Variants in SLC25A37 observed in about 807,000 individuals in gnomAD.
SLC25A37 encodes the protein solute carrier family 25 member 37, also known as mitoferrin-1.
Under a neutral mutation model 31.0 loss-of-function variants are expected in SLC25A37, and 17 were observed. The ratio of observed to expected loss-of-function variants is 0.55; its 90% CI spans 0.38 to 0.82. SLC25A37 has a LOEUF of 0.82. Among genes scored for constraint, SLC25A37 ranks in the 40% least tolerant of loss-of-function variants. The pLI, the probability that SLC25A37 is intolerant of heterozygous loss-of-function variation, is 0.00. For missense variants in SLC25A37, 404 were observed against 465.8 expected, an observed-to-expected ratio of 0.87 and a Z score of 1.22; for synonymous variants, 222 against 193.0, an observed-to-expected ratio of 1.15 and a Z score of -1.24.
intron 1 of SLC25A37, among the ~76,000 whole-genome samples, chr8:23,562,766 G>C (rs1465369276): frequency 2.0e-5 from 3 of 152,268 alleles, no homozygotes; most frequent in South Asian, 4.1e-4. Flanking sequence ...CTCAAACTTA[G>C]AAAGTTTAAT....
At position 23,572,517 on chromosome 8, in the gene SLC25A37, C is replaced by A. The variant is rs1802890716; in HGVS notation, c.*662C>A. On this transcript the variant is annotated 3_prime_UTR_variant, in exon 4 of 4. Coordinates refer to ENST00000519973, the MANE Select transcript of SLC25A37 (RefSeq NM_016612.4). ...TTAGCCCCTCCAGATGGAAGTTTCA[C>A]TTGAATGTAAAATAATAAAGTTTAT... The A allele has an allele frequency of 6.6e-6, 1 of 152,424 alleles. No homozygotes were observed. The highest frequency in any genetic ancestry group is 2.1e-4 in the South Asian group (1 of 4,828). The allele number at this position is 152,424 out of a possible 1,614,324, so 9.4% of individuals were successfully genotyped here.
rs375263954 is a variant in SLC25A37 at position 23,571,570 on chromosome 8, C to T, written c.732C>T (p.Ala244=). 6.2e-6 allele frequency: 10 copies of T among 1,613,460 alleles called. No individual in the cohort carries two copies. The African/African-American group carries it at 8.0e-5, about 13-fold the overall frequency. ...PQSHIISGGL[A]GALAAAATTP... Reference sequence around the variant, plus strand: ...CCCACATCATCTCAGGCGGGCTGGCCGGGGCCCTCGCCGCGGCCGCCACGA... The same window carrying T: ...CCCACATCATCTCAGGCGGGCTGGCTGGGGCCCTCGCCGCGGCCGCCACGA... Residue 244 remains alanine, a synonymous_variant, in exon 4 of 4, where the codon GCC becomes GCT. Transcript: ENST00000519973.
At chr8:23,551,334 C>A (rs1802218932) in intron 1 of SLC25A37, among the ~76,000 whole-genome samples, 1 of 152,126 alleles carries the variant, frequency 6.6e-6, no homozygotes. Flanking sequence ...GGGTCAGAGT[C>A]CCTTAGGGGG....
intron 3 of SLC25A37, among the ~76,000 whole-genome samples, chr8:23,569,402 TAC>T (rs10608830): frequency 0.027 from 4,086 of 150,230 alleles, 130 homozygotes; most frequent in African/African-American, 0.077. Context: ...TATGTGTGCA[TAC>T]ACACACACAC....
chr8:23,550,743 T>C (rs997324972), intron 1 of SLC25A37, among the ~76,000 whole-genome samples: 8 of 152,184 alleles, frequency 5.3e-5, no homozygotes, highest in African/African-American at 1.9e-4. Context: ...AGGTGTACAG[T>C]TTGGGGAGCA....
In SLC25A37 at chr8:23,573,798, G is replaced by T. The variant is rs1252326984; in HGVS notation, c.*1943G>T. 1 of 456,704 alleles carries T rather than the reference G, an allele frequency of 2.2e-6. No individual in the cohort carries two copies. The highest frequency in any genetic ancestry group is 2.3e-5 in the Admixed American group (1 of 42,578). The allele number at this position is 456,704 out of a possible 1,614,324, so 28.3% of individuals were successfully genotyped here. A position where few individuals can be genotyped will look rare whatever the true frequency, so the allele number is the denominator to read the frequency against. Reference sequence around the variant, plus strand: ...CTTGGCTGCTGCCCTGTCCCATCTGGCAGTTAACGCCTTCTCCCTGCTCTG... The same window carrying T: ...CTTGGCTGCTGCCCTGTCCCATCTGTCAGTTAACGCCTTCTCCCTGCTCTG... On this transcript the variant is annotated 3_prime_UTR_variant, in exon 4 of 4. Coordinates refer to ENST00000519973, the MANE Select transcript of SLC25A37 (RefSeq NM_016612.4).
In SLC25A37 at chr8:23,572,148, C is replaced by T. The variant is rs1441845709; in HGVS notation, c.*293C>T. Reference sequence around the variant, plus strand: ...TTCTGCTTCACTGTGGCAGCCTCCTCCCTGGATCCTTAGATCCCAGAGGAG... The same window carrying T: ...TTCTGCTTCACTGTGGCAGCCTCCTTCCTGGATCCTTAGATCCCAGAGGAG... On this transcript the variant is annotated 3_prime_UTR_variant, in exon 4 of 4. Transcript: ENST00000519973. The T allele has an allele frequency of 2.1e-5, 5 of 239,594 alleles. No individual in the cohort carries two copies. The East Asian group carries it at 3.2e-4, about 15-fold the overall frequency. 14.8% of individuals were successfully genotyped at this position (239,594 alleles called of 1,614,324 possible). A position where few individuals can be genotyped will look rare whatever the true frequency, so the allele number is the denominator to read the frequency against.
chr8:23,548,573 C>A (rs1031048970), intron 1 of SLC25A37, among the ~76,000 whole-genome samples: 3 of 150,304 alleles, frequency 2.0e-5, no homozygotes, highest in African/African-American at 7.4e-5. Context: ...TGGGTTCAAG[C>A]GATGCTACTG....
intron 1 of SLC25A37, among the ~76,000 whole-genome samples, chr8:23,538,546 T>TG (rs1491526711): frequency 0.15 from 22,737 of 148,154 alleles, 3,917 homozygotes; most frequent in African/African-American, 0.43. Context: ...TGTGTGTGTG[T>TG]TTGTGTGTGT....
intron 1 of SLC25A37, among the ~76,000 whole-genome samples, chr8:23,549,071 G>A (rs1185487912): frequency 6.6e-6 from 1 of 152,076 alleles, no homozygotes; most frequent in Admixed American, 6.5e-5. Flanking sequence ...TTAGAGTTTG[G>A]AATTTTTTAT....
chr8:23,552,284 T>G (rs765150986), intron 1 of SLC25A37, among the ~76,000 whole-genome samples: 7 of 152,162 alleles, frequency 4.6e-5, no homozygotes, highest in Non-Finnish European at 1.0e-4. Context: ...CTCCACTAGG[T>G]GAATACAAGG....
In SLC25A37 at chr8:23,529,417, CG is replaced by C. The variant is rs1801618127; in HGVS notation, c.210+206del. On this transcript the variant is annotated intron_variant, in intron 1 of 3. Transcript: ENST00000519973. The surrounding 1 kb of genome is among the most constrained non-coding windows in gnomAD (Gnocchi z 4.1). The stretch of plus-strand genomic sequence containing the variant: ...CGACCCCGCGAGGGTGCCCGGTCCT[CG>C]CCCCGCACCGCCCGCTGCTCCAGCC... Among the ~76,000 whole-genome samples the C allele has an allele frequency of 6.6e-6, 1 of 151,598 alleles. No individual in the cohort carries two copies. The highest frequency in any genetic ancestry group is 2.1e-4 in the South Asian group (1 of 4,836).
At chr8:23,568,693 C>A in intron 3 of SLC25A37, 1 of 348,402 alleles carries the variant, frequency 2.9e-6, no homozygotes, top group Non-Finnish European at 5.5e-6. Context: ...GTAATCCCAG[C>A]ATTTTTTGGG....
chr8:23,541,175 G>T (rs1273903640), intron 1 of SLC25A37, among the ~76,000 whole-genome samples: 1 of 152,034 alleles, frequency 6.6e-6, no homozygotes, highest in Non-Finnish European at 1.5e-5. Context: ...GTAGACAGGG[G>T]ATAGTAGTGG....
intron 1 of SLC25A37, among the ~76,000 whole-genome samples, chr8:23,549,314 T>C (rs1802159964): frequency 6.6e-6 from 1 of 152,184 alleles, no homozygotes; most frequent in Non-Finnish European, 1.5e-5. Flanking sequence ...GAAACCCTTC[T>C]GGCCAGACGG....
At chr8:23,568,623 A>G (rs1802732253) in intron 3 of SLC25A37, 1 of 519,378 alleles carries the variant, frequency 1.9e-6, no homozygotes. Context: ...CAGCAGCATC[A>G]GACATCTTGA....
At chr8:23,546,411 T>G (rs566880808) in intron 1 of SLC25A37, among the ~76,000 whole-genome samples, 5 of 150,666 alleles carry the variant, frequency 3.3e-5, no homozygotes, top group East Asian at 1.9e-4. Context: ...AGACTGGAGA[T>G]CTCTCTGTTA....
chr8:23,572,080 G>A lies in SLC25A37; in HGVS notation c.*225G>A. The A allele has an allele frequency of 1.9e-6, 1 of 518,406 alleles. No individual in the cohort carries two copies. Among genetic ancestry groups the A allele is most frequent in the South Asian group, 3.2e-5 (1 of 31,074 alleles). The allele number at this position is 518,406 out of a possible 1,614,324, so 32.1% of individuals were successfully genotyped here. On this transcript the variant is annotated 3_prime_UTR_variant, in exon 4 of 4. Transcript: ENST00000519973. ...ACAGGAAGGACTTGGGAAGGGGAGC[G>A]AGAAATTGCTTTTTCTCTTCCTCCC...
chr8:23,555,982 T>A (rs1802353677), intron 1 of SLC25A37, among the ~76,000 whole-genome samples: 3 of 152,236 alleles, frequency 2.0e-5, no homozygotes, highest in Admixed American at 2.0e-4. Context: ...CTTTTCTGGC[T>A]GACTTTCTAG....
Sources: allele counts gnomAD v4.1 joint callset (sites outside exome capture counted in the v4.1 genomes callset), GRCh38; gene constraint gnomAD v4.1.1; non-coding constraint Gnocchi (gnomAD v3.1); transcripts MANE v1.5; gene names NCBI Gene and HGNC (gene_info 2026-07-23, HGNC 2026-07-21).